Variants in CPN1 observed in about 807,000 individuals in gnomAD.
CPN1 encodes carboxypeptidase N subunit 1, also known as carboxypeptidase N catalytic chain.
Under a neutral mutation model 46.4 loss-of-function variants are expected in CPN1, and 37 were observed. The ratio of observed to expected loss-of-function variants is 0.80; its 90% CI spans 0.61 to 1.05. The LOEUF is 1.05. CPN1 is among the 50% of genes least tolerant of loss of function. CPN1 has a pLI of 0.00. For missense variants in CPN1, 563 were observed against 602.6 expected, an observed-to-expected ratio of 0.93 and a Z score of 0.69; for synonymous variants, 224 against 235.4, an observed-to-expected ratio of 0.95 and a Z score of 0.44.
intron 8 of CPN1, among the ~76,000 whole-genome samples, chr10:100,043,079 G>A (rs1218933514): frequency 5.2e-5 from 7 of 134,118 alleles, no homozygotes; most frequent in African/African-American, 8.8e-5. Flanking sequence ...GGGTGACAGC[G>A]AGACTCCATC....
intron 1 of CPN1, among the ~76,000 whole-genome samples, chr10:100,079,210 C>T (rs2041531025): frequency 6.6e-6 from 1 of 152,174 alleles, no homozygotes; most frequent in Admixed American, 6.5e-5. Flanking sequence ...TATGTATTTA[C>T]GTAGTTACCC....
At chr10:100,057,245 T>C in intron 5 of CPN1, 93 bp from the exon 6 acceptor site, 1 of 1,424,410 alleles carries the variant, frequency 7.0e-7, no homozygotes, top group Admixed American at 2.2e-5. Flanking sequence ...AAATTTTCTG[T>C]TTTTATTTAT....
chr10:100,046,120 G>C (rs1007424659), intron 8 of CPN1, among the ~76,000 whole-genome samples: 3 of 152,170 alleles, frequency 2.0e-5, no homozygotes, highest in Non-Finnish European at 4.4e-5. Flanking sequence ...AGAAAGCCCT[G>C]GAGAGTTTAA....
chr10:100,044,407 C>T (rs1159226424), intron 8 of CPN1, among the ~76,000 whole-genome samples: 1 of 152,204 alleles, frequency 6.6e-6, no homozygotes, highest in Non-Finnish European at 1.5e-5. Context: ...TAAGGTCTTA[C>T]TCTGTCATCC....
chr10:100,065,365 T>A lies in CPN1; in HGVS notation c.582A>T (p.Glu194Asp). ...ACCGGATCACCGCCCGGGTCTCGGG[T>A]TCCACCTGGGAGGAGGCGAGAGGTT... The part of the protein sequence containing the change: ...PLPDNWKSQV[E>D]PETRAVIRWM... The change falls in exon 4 of 9, where the codon GAA becomes GAT. Residue 194 changes from glutamate (E) to aspartate (D), a missense_variant. Transcript: ENST00000370418. 6.2e-7 allele frequency: 1 copy of A among 1,614,116 alleles called. No individual in the cohort carries two copies.
intron 7 of CPN1, among the ~76,000 whole-genome samples, chr10:100,051,677 G>A (rs1303750882): frequency 6.6e-6 from 1 of 151,064 alleles, no homozygotes; most frequent in Non-Finnish European, 1.5e-5. Flanking sequence ...ACAGGTGCCT[G>A]CCACCATGCC....
intron 8 of CPN1, among the ~76,000 whole-genome samples, chr10:100,047,773 G>C (rs1267892419): frequency 6.6e-6 from 1 of 151,764 alleles, no homozygotes; most frequent in Non-Finnish European, 1.5e-5. Flanking sequence ...ATCACCTGAG[G>C]TCAGAAGTTC....
intron 1 of CPN1, 105 bp downstream of exon 1, chr10:100,081,298 T>C: frequency 1.1e-6 from 1 of 935,848 alleles, no homozygotes; most frequent in Non-Finnish European, 1.7e-6. Context: ...GATAATACCT[T>C]GTAGGCGGAG....
chr10:100,068,493 G>A (rs1023786037), intron 3 of CPN1, among the ~76,000 whole-genome samples: 7 of 151,886 alleles, frequency 4.6e-5, no homozygotes, highest in African/African-American at 1.7e-4. Flanking sequence ...GATTACAGGC[G>A]TGAGCCACCG....
intron 5 of CPN1, among the ~76,000 whole-genome samples, chr10:100,062,480 C>G (rs927756470): frequency 8.5e-5 from 13 of 152,204 alleles, no homozygotes; most frequent in Non-Finnish European, 1.6e-4. Context: ...GTGAGGCATA[C>G]TACTGTGCTA....
chr10:100,070,624 G>A (rs750565717), intron 2 of CPN1, among the ~76,000 whole-genome samples: 2 of 152,076 alleles, frequency 1.3e-5, no homozygotes, highest in East Asian at 1.9e-4. Flanking sequence ...TTTAGTCCCC[G>A]TCACAAGAAG....
chr10:100,066,997 G>A (rs192738273), intron 3 of CPN1, among the ~76,000 whole-genome samples: 3 of 152,284 alleles, frequency 2.0e-5, no homozygotes, highest in Admixed American at 1.3e-4. Context: ...TTTAGACAGA[G>A]GATTGAGTGG....
chr10:100,053,479 GT>G (rs1043591462), intron 7 of CPN1, among the ~76,000 whole-genome samples: 2 of 152,014 alleles, frequency 1.3e-5, no homozygotes, highest in Admixed American at 1.3e-4. Context: ...CAAAAAATTA[GT>G]CAGATGTGGT....
At chr10:100,067,090 A>T (rs2041458468) in intron 3 of CPN1, among the ~76,000 whole-genome samples, 1 of 152,184 alleles carries the variant, frequency 6.6e-6, no homozygotes, top group Non-Finnish European at 1.5e-5. Context: ...CTGGTTGGAT[A>T]TCCTGACTAA....
intron 7 of CPN1, among the ~76,000 whole-genome samples, chr10:100,049,208 C>T (rs1386539053): frequency 6.6e-6 from 1 of 151,802 alleles, no homozygotes; most frequent in African/African-American, 2.4e-5. Flanking sequence ...ATCTGCCCGC[C>T]TCAGCCTCCC....
chr10:100,048,888 A>G lies in CPN1; in HGVS notation c.1112-12T>C. On this transcript the variant is annotated splice_polypyrimidine_tract_variant and intron_variant, in intron 7 of 8. Transcript: ENST00000370418. ...ATCACCATGGTCACCTGAAAGTCAC[A>G]AAGATATAACTCAGTCTACTGATTA... 8 of 1,586,632 alleles carry G rather than the reference A, an allele frequency of 5.0e-6. No homozygotes were observed. Among genetic ancestry groups the G allele is most frequent in the Non-Finnish European group, 6.9e-6 (8 of 1,155,492 alleles).
intron 5 of CPN1, among the ~76,000 whole-genome samples, chr10:100,058,417 C>T (rs1029404345): frequency 1.3e-5 from 2 of 152,178 alleles, no homozygotes; most frequent in Non-Finnish European, 2.9e-5. Context: ...CCCAGAAAAA[C>T]AGACTCCTGA....
intron 3 of CPN1, among the ~76,000 whole-genome samples, chr10:100,068,466 G>T (rs1301798256): frequency 3.3e-5 from 5 of 151,982 alleles, no homozygotes; most frequent in Admixed American, 3.3e-4. Flanking sequence ...GCCCGCCTCG[G>T]CCTCCCAAAG....
At position 100,065,306 on chromosome 10, in the gene CPN1, T is replaced by C. The variant is rs757428196; in HGVS notation, c.641A>G (p.Asn214Ser). 76 of 1,613,886 alleles carry C rather than the reference T, an allele frequency of 4.7e-5. No homozygotes were observed. Among genetic ancestry groups the C allele is most frequent in the Admixed American group, 3.7e-4 (22 of 59,984 alleles). ...GGCCACCACCGCCCCTCCGTGGAGA[T>C]TGGCTGAAAGAACAAAGTTGAAGGA... The part of the protein sequence containing the change: ...MHSFNFVLSA[N>S]LHGGAVVANY... Residue 214 changes from asparagine to serine, a missense_variant, in exon 4 of 9, where the codon AAT becomes AGT. Physicochemically the swap from Asn to Ser is conservative, Grantham distance 46. Coordinates refer to ENST00000370418, the MANE Select transcript of CPN1 (RefSeq NM_001308.3).
Sources: allele counts gnomAD v4.1 joint callset (sites outside exome capture counted in the v4.1 genomes callset), GRCh38; gene constraint gnomAD v4.1.1; transcripts MANE v1.5; gene names NCBI Gene and HGNC (gene_info 2026-07-23, HGNC 2026-07-21).